Variants in LINC00632 observed in about 807,000 individuals in gnomAD.
LINC00632 encodes ALDOA related specific transcript.
In LINC00632 at chrX:140,715,386, G is replaced by A. The variant is rs191772054; in HGVS notation, n.104+3730G>A. On this transcript the variant is annotated intron_variant and non_coding_transcript_variant, in intron 2 of 4. Transcript: ENST00000648200. ...GAGGCGGGCGGATCACAAGGTCAGG[G>A]GTTCAGGACCAGCCTGTCCAACATG... Among the ~76,000 whole-genome samples the A allele has an allele frequency of 5.3e-3, 590 of 110,783 alleles. 2 individuals are homozygous for A. Among genetic ancestry groups the A allele is most frequent in the African/African-American group, 0.018 (553 of 30,457 alleles).
chrX:140,767,661 T>C (rs1369035953), intron 3 of LINC00632, among the ~76,000 whole-genome samples: 6 of 111,824 alleles, frequency 5.4e-5, no homozygotes, highest in African/African-American at 2.0e-4. Context: ...TATAAACTAG[T>C]TTGTATTAGT....
exon 5 of LINC00632, among the ~76,000 whole-genome samples, chrX:140,777,363 G>A (rs763492381): frequency 3.6e-5 from 4 of 112,408 alleles, no homozygotes; most frequent in African/African-American, 6.5e-5. Context: ...TCTTCAACAC[G>A]CTCAAATGAG....
Position 140,720,842 on chromosome X carries a change from C to T in LINC00632, n.104+9186C>T, listed in dbSNP as rs111905324. 1.7e-3 allele frequency among the ~76,000 whole-genome samples: 192 copies of T among 111,622 alleles called. 1 individual carries two copies. Among genetic ancestry groups the T allele is most frequent in the African/African-American group, 5.9e-3 (180 of 30,700 alleles). The stretch of plus-strand genomic sequence containing the variant: ...TAACACCAACGCTTAGCTGAGAGCA[C>T]GCAGAAGTGCTGAGCAAAACATGCG... On this transcript the variant is annotated intron_variant and non_coding_transcript_variant, in intron 2 of 4. Coordinates refer to ENST00000648200, the Ensembl canonical transcript of LINC00632.
At chrX:140,778,767 A>C (rs1360305851) in exon 5 of LINC00632, among the ~76,000 whole-genome samples, 1 of 112,147 alleles carries the variant, frequency 8.9e-6, no homozygotes, top group African/African-American at 3.2e-5. Flanking sequence ...TATAAATAAT[A>C]AAATGAGAAA....
exon 5 of LINC00632, among the ~76,000 whole-genome samples, chrX:140,776,781 C>G (rs1381824696): frequency 1.8e-5 from 2 of 110,919 alleles, no homozygotes; most frequent in Admixed American, 1.9e-4. Context: ...CCCAGCAATC[C>G]CATTACTAGG....
chrX:140,760,853 T>G (rs1306289758), intron 3 of LINC00632, among the ~76,000 whole-genome samples: 2 of 111,938 alleles, frequency 1.8e-5, no homozygotes, highest in Non-Finnish European at 3.8e-5. Context: ...AGCTCCTCCA[T>G]GTATGATATA....
chrX:140,768,625 A>C (rs1012558598), intron 3 of LINC00632, among the ~76,000 whole-genome samples: 1 of 73,174 alleles, frequency 1.4e-5, no homozygotes, highest in African/African-American at 4.1e-5. Flanking sequence ...CACATAATAA[A>C]TATATATACT....
intron 2 of LINC00632, among the ~76,000 whole-genome samples, chrX:140,733,089 G>C (rs1174816199): frequency 8.9e-6 from 1 of 112,275 alleles, no homozygotes; most frequent in East Asian, 2.8e-4. Context: ...ACGTGTCCTT[G>C]TCTTAGTCTC....
intron 3 of LINC00632, among the ~76,000 whole-genome samples, chrX:140,753,030 T>G (rs1187907654): frequency 7.1e-5 from 8 of 112,376 alleles, no homozygotes; most frequent in African/African-American, 1.9e-4. Flanking sequence ...GGCTAGATGA[T>G]ATGATTAAAT....
chrX:140,789,973 T>G (rs1309853654), exon 5 of LINC00632, among the ~76,000 whole-genome samples: 2 of 111,689 alleles, frequency 1.8e-5, no homozygotes, highest in East Asian at 2.8e-4. Flanking sequence ...TATAGTTTCT[T>G]GTTTTTGTTT....
Position 140,789,920 on chromosome X carries a change from AAAG to A in LINC00632, n.17944_17946del, listed in dbSNP as rs200060768. On this transcript the variant is annotated non_coding_transcript_exon_variant, in exon 5 of 5. Coordinates refer to ENST00000648200, the Ensembl canonical transcript of LINC00632. ...ATTTATTCATGGTGCTATTTACTATAAAGAAGATTTAATTATGTAAATAGACAA... is the reference window on the plus strand; with the variant it reads ...ATTTATTCATGGTGCTATTTACTATAAAGATTTAATTATGTAAATAGACAA... 3.6e-3 allele frequency among the ~76,000 whole-genome samples: 398 copies of A among 111,528 alleles called. 4 individuals carry two copies. Among genetic ancestry groups the A allele is most frequent in the African/African-American group, 0.012 (353 of 30,670 alleles).
intron 2 of LINC00632, among the ~76,000 whole-genome samples, chrX:140,730,626 C>G (rs12011222): frequency 3.5e-4 from 38 of 109,823 alleles, no homozygotes; most frequent in African/African-American, 1.2e-3. Flanking sequence ...TAATCCACAA[C>G]GCACATGCTC....
At chrX:140,742,873 GA>G (rs769186592) in intron 3 of LINC00632, among the ~76,000 whole-genome samples, 4 of 94,961 alleles carry the variant, frequency 4.2e-5, no homozygotes, top group African/African-American at 1.7e-4. Flanking sequence ...GAGAGAGAGA[GA>G]GAGAGGAAGG....
At chrX:140,749,360 C>T (rs1931376645) in intron 3 of LINC00632, among the ~76,000 whole-genome samples, 1 of 111,801 alleles carries the variant, frequency 8.9e-6, no homozygotes. Context: ...TCCTGAGTAA[C>T]AGGGATGGGA....
exon 5 of LINC00632, among the ~76,000 whole-genome samples, chrX:140,788,732 A>T (rs1438626825): frequency 9.3e-6 from 1 of 107,579 alleles, no homozygotes; most frequent in Non-Finnish European, 1.9e-5. Context: ...GTGTAGTCAG[A>T]TTTCAAATCA....
At chrX:140,724,005 C>T (rs1374577699) in intron 2 of LINC00632, among the ~76,000 whole-genome samples, 1 of 17,164 alleles carries the variant, frequency 5.8e-5, no homozygotes, top group Non-Finnish European at 1.3e-4. Flanking sequence ...CAGACACACA[C>T]CATACACACA....
intron 2 of LINC00632, among the ~76,000 whole-genome samples, chrX:140,723,322 C>T (rs867069117): frequency 6.0e-5 from 5 of 83,304 alleles, no homozygotes; most frequent in African/African-American, 2.0e-4. Flanking sequence ...CACAGACACA[C>T]ATTCCATACA....
intron 3 of LINC00632, among the ~76,000 whole-genome samples, chrX:140,744,389 G>A (rs1376569100): frequency 9.0e-6 from 1 of 110,525 alleles, no homozygotes; most frequent in African/African-American, 3.3e-5. Context: ...CCACAGAGGG[G>A]AGTTGATTGC....
At chrX:140,768,933 G>A (rs1029053782) in intron 3 of LINC00632, among the ~76,000 whole-genome samples, 3 of 107,434 alleles carry the variant, frequency 2.8e-5, no homozygotes, top group East Asian at 5.8e-4. Context: ...ATAATGGAAT[G>A]AATGGGACTT....
Sources: gnomAD v4.1 joint callset for allele counts (sites outside exome capture counted in the v4.1 genomes callset) on GRCh38, gnomAD v4.1.1 for gene constraint, MANE v1.5 for transcripts, NCBI Gene and HGNC (gene_info 2026-07-23, HGNC 2026-07-21) for gene names.